The following UXS1 variants were observed in gnomAD, a reference collection of about 807,000 sequenced individuals.
UXS1 encodes the protein UDP-glucuronate decarboxylase 1, also known as UDP-glucuronic acid decarboxylase 1.
A neutral mutation model predicts 62.6 loss-of-function variants in UXS1; 33 were observed. The ratio of observed to expected loss-of-function variants is 0.53; its 90% CI spans 0.40 to 0.70. The LOEUF (loss-of-function observed/expected upper bound fraction) is 0.70. Ranked by LOEUF, UXS1 falls within the 30% of genes least tolerant of loss-of-function variation. The pLI is 0.00. For missense variants in UXS1, 434 were observed against 556.3 expected, an observed-to-expected ratio of 0.78 and a Z score of 2.21; for synonymous variants, 213 against 206.8, an observed-to-expected ratio of 1.03 and a Z score of -0.26.
intron 11 of UXS1, among the ~76,000 whole-genome samples, chr2:106,104,328 AT>A (rs1311612364): frequency 6.6e-6 from 1 of 152,226 alleles, no homozygotes; most frequent in Admixed American, 6.5e-5. Flanking sequence ...TATTCAAAAA[AT>A]ATATTTTTAT....
chr2:106,153,980 G>A (rs1424085453), intron 5 of UXS1, among the ~76,000 whole-genome samples: 1 of 152,158 alleles, frequency 6.6e-6, no homozygotes, highest in East Asian at 1.9e-4. Context: ...TTGGAACTAG[G>A]CTAAAGAATC....
At chr2:106,178,651 T>C (rs1021775167) in intron 1 of UXS1, among the ~76,000 whole-genome samples, 5 of 152,164 alleles carry the variant, frequency 3.3e-5, no homozygotes, top group Non-Finnish European at 7.4e-5. Flanking sequence ...TGTGTATATA[T>C]AGCAGCTCCA....
chr2:106,189,750 A>G (rs1399108912), intron 1 of UXS1, among the ~76,000 whole-genome samples: 2 of 152,258 alleles, frequency 1.3e-5, no homozygotes, highest in Admixed American at 6.5e-5. Context: ...CTGGAGGCCA[A>G]AAAGGATTGG....
chr2:106,186,451 T>TACAC (rs1215299882), intron 1 of UXS1, among the ~76,000 whole-genome samples: 1 of 10,566 alleles, frequency 9.5e-5, no homozygotes, highest in East Asian at 5.7e-3. Flanking sequence ...TTTATATATA[T>TACAC]ATATATACAC....
chr2:106,118,331 G>C (rs1679231223), intron 9 of UXS1, among the ~76,000 whole-genome samples: 1 of 151,942 alleles, frequency 6.6e-6, no homozygotes, highest in African/African-American at 2.4e-5. Flanking sequence ...AGGGCCATTA[G>C]ACTAGGTGAT....
chr2:106,119,472 G>T (rs1040017544), intron 9 of UXS1, among the ~76,000 whole-genome samples: 3 of 152,106 alleles, frequency 2.0e-5, no homozygotes, highest in African/African-American at 7.2e-5. Flanking sequence ...GAGATTAAAC[G>T]GACTGAGCCC....
intron 13 of UXS1, 193 bp from the exon 14 acceptor site, chr2:106,097,014 A>G (rs1490103729): frequency 4.3e-6 from 3 of 698,160 alleles, no homozygotes; most frequent in Non-Finnish European, 7.7e-6. Flanking sequence ...TGCTCCTGCA[A>G]CTGCTGTGGC....
chr2:106,170,385 T>C (rs1025615485), intron 1 of UXS1, among the ~76,000 whole-genome samples: 21 of 152,136 alleles, frequency 1.4e-4, no homozygotes, highest in Non-Finnish European at 5.9e-5. Context: ...ATTGGTACCT[T>C]ACAGGTGGGT....
At chr2:106,168,917 ACT>A (rs1683372578) in intron 1 of UXS1, among the ~76,000 whole-genome samples, 1 of 152,242 alleles carries the variant, frequency 6.6e-6, no homozygotes, top group Non-Finnish European at 1.5e-5. Flanking sequence ...TTTCCAAAAT[ACT>A]GAGTTTAAAT....
intron 1 of UXS1, among the ~76,000 whole-genome samples, chr2:106,175,477 G>A (rs1418346513): frequency 2.6e-5 from 4 of 152,212 alleles, no homozygotes; most frequent in South Asian, 2.1e-4. Context: ...TGCATGGGGG[G>A]ACAGAAGTGT....
At chr2:106,099,943 G>A (rs1049087689) in intron 12 of UXS1, among the ~76,000 whole-genome samples, 1 of 152,174 alleles carries the variant, frequency 6.6e-6, no homozygotes, top group African/African-American at 2.4e-5. Context: ...TCACCTCAGG[G>A]AAAAATGCAT....
chr2:106,137,274 G>T (rs189813959), intron 6 of UXS1, among the ~76,000 whole-genome samples: 190 of 152,284 alleles, frequency 1.2e-3, no homozygotes, highest in African/African-American at 4.1e-3. Context: ...TTAAAAATCA[G>T]TTCTCACAAA....
chr2:106,095,945 G>T (rs1677044181), intron 14 of UXS1, among the ~76,000 whole-genome samples: 1 of 152,216 alleles, frequency 6.6e-6, no homozygotes, highest in South Asian at 2.1e-4. Flanking sequence ...CAGGGAGGCA[G>T]CAGCCGCCCC....
At position 106,179,966 on chromosome 2, in the gene UXS1, G is replaced by A. The variant is rs143313853; in HGVS notation, c.95-13883C>T. 6.0e-3 allele frequency among the ~76,000 whole-genome samples: 918 copies of A among 152,150 alleles called. 19 individuals carry two copies. Among genetic ancestry groups the A allele is most frequent in the Admixed American group, 0.041 (622 of 15,282 alleles). ...ACTAAAAAAAATAACAAAATTAGCC[G>A]GGCATGGTGGTGTGCACCTGTAATC... On this transcript the variant is annotated intron_variant, in intron 1 of 14. Transcript: ENST00000283148.
intron 10 of UXS1, among the ~76,000 whole-genome samples, chr2:106,106,883 G>C (rs192063808): frequency 6.6e-6 from 1 of 152,170 alleles, no homozygotes; most frequent in South Asian, 2.1e-4. Context: ...AGGTCAAAGC[G>C]CTGGAGTGAC....
At position 106,094,144 on chromosome 2, in the gene UXS1, T is replaced by A; in HGVS notation, c.1160A>T (p.Glu387Val). Residue 387 changes from glutamate (E) to valine (V), a missense_variant, in exon 15 of 15, where the codon GAA becomes GTA. By Grantham distance (121) the Glu-to-Val change is moderately radical (BLOSUM62 -2). Transcript: ENST00000283148. ...LGWEPVVPLE[E>V]GLNKAIHYFR... ...GTAGTGAATTGCTTTGTTTAAACCT[T>A]CCTCCAGCGGGACCTGTTTAAAGGG... is the stretch of plus-strand genomic sequence containing the variant. 6.2e-7 allele frequency: 1 copy of A among 1,610,436 alleles called. No individual in the cohort carries two copies. The highest frequency in any genetic ancestry group is 1.1e-5 in the South Asian group (1 of 90,862).
At chr2:106,118,181 G>A (rs915588118) in intron 9 of UXS1, among the ~76,000 whole-genome samples, 2 of 151,984 alleles carry the variant, frequency 1.3e-5, no homozygotes, top group African/African-American at 2.4e-5. Flanking sequence ...CCTGGGGTGT[G>A]AGTCCTAGCC....
chr2:106,170,168 C>A (rs1244944655), intron 1 of UXS1, among the ~76,000 whole-genome samples: 2 of 152,190 alleles, frequency 1.3e-5, no homozygotes, highest in African/African-American at 4.8e-5. Flanking sequence ...CTGCAAGCAG[C>A]CCCCTGCATG....
chr2:106,114,598 C>T (rs1043200515), intron 9 of UXS1, among the ~76,000 whole-genome samples: 3 of 152,222 alleles, frequency 2.0e-5, no homozygotes, highest in African/African-American at 7.2e-5. Context: ...GCAAAATTTG[C>T]AGCAAATCAA....
Sources: gnomAD v4.1 joint callset for allele counts (sites outside exome capture counted in the v4.1 genomes callset) on GRCh38, gnomAD v4.1.1 for gene constraint, MANE v1.5 for transcripts, NCBI Gene and HGNC (gene_info 2026-07-23, HGNC 2026-07-21) for gene names.